Variants in LRRK2 observed in about 807,000 individuals in gnomAD.
LRRK2 encodes leucine-rich repeat serine/threonine-protein kinase 2.
A neutral mutation model predicts 302.6 loss-of-function variants in LRRK2; 203 were observed. The observed-to-expected ratio is 0.67, with a 90% CI of 0.60 to 0.75. The LOEUF is 0.75. Ranked by LOEUF, LRRK2 falls within the 30% of genes least tolerant of loss-of-function variation. LRRK2 has a pLI of 0.00. For synonymous variants in LRRK2, 1,066 were observed against 1,031.9 expected, an observed-to-expected ratio of 1.03 and a Z score of -0.63; for missense variants, 2,830 against 2,951.0, an observed-to-expected ratio of 0.96 and a Z score of 0.95.
rs913010380 is a variant in LRRK2, at chr12:40,230,916, C to T, written c.238-1358C>T. 1.2e-4 allele frequency among the ~76,000 whole-genome samples: 19 copies of T among 152,008 alleles called. No homozygotes were observed. The East Asian group carries it at 2.7e-3, about 22-fold the overall frequency. ...GCATCTATAATTTCATATTTTATTT[C>T]GAAATGTGAAAGAGCCTACTAGGGG... On this transcript the variant is annotated intron_variant, in intron 2 of 50. Coordinates refer to ENST00000298910, the MANE Select transcript of LRRK2 (RefSeq NM_198578.4).
chr12:40,352,485 A>ATTTTT (rs1946384579), intron 44 of LRRK2, among the ~76,000 whole-genome samples: 1 of 20,584 alleles, frequency 4.9e-5, no homozygotes. Flanking sequence ...TTTTTAATTG[A>ATTTTT]TCATTCTTGG....
chr12:40,324,030 A>G (rs1018531708), intron 38 of LRRK2, among the ~76,000 whole-genome samples: 2 of 152,160 alleles, frequency 1.3e-5, no homozygotes, highest in Non-Finnish European at 2.9e-5. Context: ...ATGCTCATAC[A>G]CTTCAGAAGA....
intron 24 of LRRK2, among the ~76,000 whole-genome samples, chr12:40,298,763 ACT>A (rs1944479635): frequency 7.8e-6 from 1 of 128,728 alleles, no homozygotes; most frequent in Admixed American, 8.2e-5. Flanking sequence ...CAGAGGCGAG[ACT>A]CTGTCTCAAA....
intron 21 of LRRK2, 56 bp from the exon 22 acceptor site, chr12:40,294,789 A>AAT: frequency 1.0e-6 from 1 of 1,003,414 alleles, no homozygotes; most frequent in Non-Finnish European, 1.5e-6. Context: ...TCCTTATAAA[A>AAT]ATGTCCTCTT....
intron 5 of LRRK2, among the ~76,000 whole-genome samples, chr12:40,239,740 T>C (rs1357242963): frequency 6.6e-6 from 1 of 152,142 alleles, no homozygotes; most frequent in Admixed American, 6.6e-5. Context: ...TCTTCACTTG[T>C]TAGGAAAACT....
rs201636831 is a variant in LRRK2 at position 40,308,485 on chromosome 12, A to T, written c.3978A>T (p.Leu1326Phe). ...KDIIRFLQQRLKKAVPYNRMK... is the reference protein window; with the variant it reads ...KDIIRFLQQRFKKAVPYNRMK... ...ATACTAGGTTTCTTCAACAGCGATT[A>T]AAAAAGGCTGTGCCTTATAACCGAA... is the stretch of plus-strand genomic sequence containing the variant. The change falls in exon 29 of 51, where the codon TTA becomes TTT. Residue 1326 changes from leucine (L) to phenylalanine (F), a missense_variant. Transcript: ENST00000298910. The T allele has an allele frequency of 1.9e-6, 3 of 1,612,958 alleles. No homozygotes were observed. The highest frequency in any genetic ancestry group is 1.1e-5 in the South Asian group (1 of 90,978).
chr12:40,296,188 G>A (rs1028333878), intron 23 of LRRK2, among the ~76,000 whole-genome samples: 1 of 152,028 alleles, frequency 6.6e-6, no homozygotes, highest in Admixed American at 6.6e-5. Context: ...TGTCTTGTAA[G>A]AATTAAAGTA....
At chr12:40,328,505 A>G in intron 39 of LRRK2, 45 bp downstream of exon 39, 13 of 1,391,660 alleles carry the variant, frequency 9.3e-6, no homozygotes, top group Non-Finnish European at 1.3e-5. Context: ...CACATTATTA[A>G]TCTACTGGAA....
chr12:40,256,647 T>C (rs1491936), intron 11 of LRRK2, among the ~76,000 whole-genome samples: 17,945 of 152,272 alleles, frequency 0.12, 1,145 homozygotes, highest in South Asian at 0.16. Context: ...TGATGGCATA[T>C]ATAGAAATTA....
At chr12:40,240,444 T>C in intron 5 of LRRK2, 39 bp from the exon 6 acceptor site, 1 of 1,585,812 alleles carries the variant, frequency 6.3e-7, no homozygotes, top group Non-Finnish European at 8.6e-7. Flanking sequence ...TTTCATATCA[T>C]CTTTAAGCTT....
At chr12:40,355,911 A>G (rs1333056716) in intron 45 of LRRK2, among the ~76,000 whole-genome samples, 2 of 152,184 alleles carry the variant, frequency 1.3e-5, no homozygotes, top group African/African-American at 4.8e-5. Context: ...CTTGGGGTAT[A>G]AAACTGGGAA....
Position 40,368,338 on chromosome 12 carries a change from CACA to C in LRRK2, c.*576_*578del, listed in dbSNP as rs1555197723. The C allele has an allele frequency of 6.6e-6, 1 of 151,896 alleles. No homozygotes were observed. Among genetic ancestry groups the C allele is most frequent in the Non-Finnish European group, 1.5e-5 (1 of 67,750 alleles). 9.4% of individuals were successfully genotyped at this position (151,896 alleles called of 1,614,324 possible). On this transcript the variant is annotated 3_prime_UTR_variant, in exon 51 of 51. Transcript: ENST00000298910. Reference sequence around the variant, plus strand: ...TTGCTGTTGCAAACAGTGCATCTTACACAACTTCACTCAATTCAAAAGAAAACT... The same window carrying C: ...TTGCTGTTGCAAACAGTGCATCTTACACTTCACTCAATTCAAAAGAAAACT...
At chr12:40,353,913 C>T (rs1946448376) in intron 44 of LRRK2, among the ~76,000 whole-genome samples, 1 of 152,140 alleles carries the variant, frequency 6.6e-6, no homozygotes, top group Non-Finnish European at 1.5e-5. Context: ...AGGGAGGTTG[C>T]AGTGAGCCGA....
chr12:40,283,262 A>G lies in LRRK2; in HGVS notation c.2242-613A>G, dbSNP rs556776245. On this transcript the variant is annotated intron_variant, in intron 18 of 50. Coordinates refer to ENST00000298910, the MANE Select transcript of LRRK2 (RefSeq NM_198578.4). The stretch of plus-strand genomic sequence containing the variant: ...TGTTCTAGTTTTTGTGGCACCTCAC[A>G]TGCTAACCCACCCTGAACACATGCT... 2.0e-5 allele frequency among the ~76,000 whole-genome samples: 3 copies of G among 152,286 alleles called. No individual in the cohort carries two copies. In the South Asian group the frequency reaches 6.2e-4, roughly 32 times the overall value.
chr12:40,266,088 A>G (rs2136555212), intron 14 of LRRK2, among the ~76,000 whole-genome samples: 1 of 152,368 alleles, frequency 6.6e-6, no homozygotes, highest in African/African-American at 2.4e-5. Context: ...GGACATAGGC[A>G]TAGGCAAGGC....
At chr12:40,322,573 T>C in intron 37 of LRRK2, 63 bp downstream of exon 37, 2 of 1,407,148 alleles carry the variant, frequency 1.4e-6, no homozygotes, top group South Asian at 2.4e-5. Flanking sequence ...GAAGTGACTT[T>C]TAATAAATGT....
At chr12:40,350,255 C>T (rs947437828) in intron 43 of LRRK2, among the ~76,000 whole-genome samples, 4 of 152,140 alleles carry the variant, frequency 2.6e-5, no homozygotes, top group African/African-American at 9.7e-5. Context: ...CCCATGGGCC[C>T]CACAAAGCAT....
Position 40,225,245 on chromosome 12 carries a change from C to A in LRRK2, c.114C>A (p.Ile38=), listed in dbSNP as rs1592124610. 1 of 1,614,154 alleles carries A rather than the reference C, an allele frequency of 6.2e-7. No individual in the cohort carries two copies. The highest frequency in any genetic ancestry group is 8.5e-7 in the Non-Finnish European group (1 of 1,180,016). The change falls in exon 1 of 51, where the codon ATC becomes ATA. Residue 38 remains isoleucine (I), a synonymous_variant. Coordinates refer to ENST00000298910, the MANE Select transcript of LRRK2 (RefSeq NM_198578.4). ...AACAGATAGAAACGCTGGTCCAAAT[C>A]CTGGAGGATCTGCTGGTGTTCACGT... The part of the protein sequence containing the change: ...EGKQIETLVQ[I]LEDLLVFTYS...
Position 40,308,451 on chromosome 12 carries a change from A to G in LRRK2, c.3960-16A>G. 1.3e-6 allele frequency: 2 copies of G among 1,595,500 alleles called. No individual in the cohort carries two copies. On this transcript the variant is annotated splice_polypyrimidine_tract_variant and intron_variant, in intron 28 of 50. Coordinates refer to ENST00000298910, the MANE Select transcript of LRRK2 (RefSeq NM_198578.4). ...TTAAGCAGTTTATTATTTTATTTTT[A>G]TCTTTCAAATACTAGGTTTCTTCAA...
Sources: gnomAD v4.1 joint callset for allele counts (sites outside exome capture counted in the v4.1 genomes callset) on GRCh38, gnomAD v4.1.1 for gene constraint, MANE v1.5 for transcripts, NCBI Gene and HGNC (gene_info 2026-07-23, HGNC 2026-07-21) for gene names.